PPP1R13B: variants seen among roughly 807,000 people sequenced by gnomAD.
PPP1R13B encodes the protein protein phosphatase 1 regulatory subunit 13B.
PPP1R13B carries 44 observed loss-of-function variants against 119.8 expected under a neutral mutation model. The ratio of observed to expected loss-of-function variants is 0.37; its 90% CI spans 0.29 to 0.47. The LOEUF is 0.47. PPP1R13B is among the 20% of genes least tolerant of loss of function. PPP1R13B has a pLI of 0.99. For synonymous variants in PPP1R13B, 542 were observed against 561.5 expected (o/e 0.97, Z 0.49); for missense variants, 1,227 against 1,413.5 (o/e 0.87, Z 2.12).
intron 2 of PPP1R13B, among the ~76,000 whole-genome samples, chr14:103,785,590 C>T (rs1292521857): frequency 6.8e-6 from 1 of 147,178 alleles, no homozygotes; most frequent in African/African-American, 2.5e-5. Context: ...CGGCTCACTA[C>T]AACCTCTGCC....
Position 103,738,507 on chromosome 14 carries a change from T to TG in PPP1R13B, c.2864+171dup, listed in dbSNP as rs1392941436. ...TAACAAAATCATCAAGAGAAAAGGC[T>TG]GGAAAAAAAGGCAAGGAAACCCTGG... On this transcript the variant is annotated intron_variant, in intron 14 of 16. Coordinates refer to ENST00000202556, the MANE Select transcript of PPP1R13B (RefSeq NM_015316.3). This position sits in a 1 kb window ranked among gnomAD's most constrained non-coding sequence, Gnocchi z 5.6. The TG allele has an allele frequency of 1.3e-5, 13 of 1,023,646 alleles. No individual in the cohort carries two copies. The African/African-American group carries it at 1.5e-4, about 11-fold the overall frequency. 63.4% of individuals were successfully genotyped at this position (1,023,646 alleles called of 1,614,324 possible). A position where few individuals can be genotyped will look rare whatever the true frequency, so the allele number is the denominator to read the frequency against.
In PPP1R13B at chr14:103,739,810, G is replaced by A. The variant is rs371347617; in HGVS notation, c.2592+14C>T. 1.3e-4 allele frequency: 201 copies of A among 1,590,646 alleles called. No homozygotes were observed. The highest frequency in any genetic ancestry group is 1.6e-4 in the Non-Finnish European group (183 of 1,167,418). Reference sequence around the variant, plus strand: ...ACCAGGAAGGCCAGGCTTTGGTCTAGCAATGACACCCACCGTGGAGGTGGC... The same window carrying A: ...ACCAGGAAGGCCAGGCTTTGGTCTAACAATGACACCCACCGTGGAGGTGGC... On this transcript the variant is annotated intron_variant, in intron 12 of 16. Coordinates refer to ENST00000202556, the MANE Select transcript of PPP1R13B (RefSeq NM_015316.3).
At chr14:103,785,529 T>TTC (rs1446802041) in intron 2 of PPP1R13B, among the ~76,000 whole-genome samples, 1 of 148,334 alleles carries the variant, frequency 6.7e-6, no homozygotes, top group African/African-American at 2.5e-5. Context: ...TTTTTTTTTT[T>TTC]TTTTTTTGAG....
At chr14:103,761,762 C>CAA (rs1215810979) in intron 4 of PPP1R13B, among the ~76,000 whole-genome samples, 12 of 104,918 alleles carry the variant, frequency 1.1e-4, no homozygotes, top group African/African-American at 1.8e-4. Flanking sequence ...GACTCCATCT[C>CAA]AAAAAAAAAA....
chr14:103,824,747 A>G (rs903843360), intron 1 of PPP1R13B, among the ~76,000 whole-genome samples: 3 of 151,628 alleles, frequency 2.0e-5, no homozygotes, highest in African/African-American at 7.3e-5. Flanking sequence ...CACAGTGCCT[A>G]TGATCATGTG....
At chr14:103,806,107 T>C (rs759430443) in intron 1 of PPP1R13B, among the ~76,000 whole-genome samples, 27 of 152,306 alleles carry the variant, frequency 1.8e-4, no homozygotes, top group African/African-American at 6.5e-4. Flanking sequence ...ACTTACATGG[T>C]ACAAAGAACC....
chr14:103,779,974 C>T (rs1217739437), intron 3 of PPP1R13B, among the ~76,000 whole-genome samples: 1 of 151,194 alleles, frequency 6.6e-6, no homozygotes, highest in African/African-American at 2.4e-5. Flanking sequence ...AATGGCAAAA[C>T]CCTGTCTCTA....
intron 4 of PPP1R13B, among the ~76,000 whole-genome samples, chr14:103,771,760 T>C (rs1262762877): frequency 6.6e-6 from 1 of 152,134 alleles, no homozygotes; most frequent in Non-Finnish European, 1.5e-5. Flanking sequence ...GGATTACAGG[T>C]GTGAGCCACT....
intron 4 of PPP1R13B, among the ~76,000 whole-genome samples, chr14:103,770,384 G>A (rs543975423): frequency 2.0e-5 from 3 of 152,092 alleles, no homozygotes; most frequent in Non-Finnish European, 4.4e-5. Flanking sequence ...GCGTGGTGGC[G>A]CATGCCTGTA....
chr14:103,846,141 C>A (rs1010096908), intron 1 of PPP1R13B, among the ~76,000 whole-genome samples: 1 of 152,068 alleles, frequency 6.6e-6, no homozygotes, highest in African/African-American at 2.4e-5. Context: ...CATTTAAAAC[C>A]AAATGTTTAG....
At chr14:103,746,869 G>A (rs1336800755) in intron 8 of PPP1R13B, 2 of 193,676 alleles carry the variant, frequency 1.0e-5, no homozygotes, top group Non-Finnish European at 2.1e-5. Context: ...CCCTTGAGTG[G>A]GCACAGAGAC....
At chr14:103,793,673 A>G (rs184211538) in intron 2 of PPP1R13B, among the ~76,000 whole-genome samples, 2 of 152,048 alleles carry the variant, frequency 1.3e-5, no homozygotes, top group African/African-American at 4.8e-5. Context: ...CTATTATAAG[A>G]CTTTTAGGAA....
intron 1 of PPP1R13B, among the ~76,000 whole-genome samples, chr14:103,845,940 T>A (rs2087020134): frequency 6.6e-6 from 1 of 152,228 alleles, no homozygotes; most frequent in Non-Finnish European, 1.5e-5. Flanking sequence ...CACTTTTGGA[T>A]ACATCATCCT....
intron 1 of PPP1R13B, among the ~76,000 whole-genome samples, chr14:103,844,682 T>C (rs901822437): frequency 6.6e-6 from 1 of 151,762 alleles, no homozygotes; most frequent in Admixed American, 6.6e-5. Flanking sequence ...TGAGTCAAGA[T>C]CATGTTGCAC....
In PPP1R13B at chr14:103,737,775, T is replaced by C. The variant is rs1248295282; in HGVS notation, c.2950A>G (p.Thr984Ala). ...GCAGCAGTTTCAATGTCGCTTATGG[T>C]TGAGGCAAAAATGGCGGCACCACTC... Reference protein sequence around the residue: ...VESGAAIFASTISDIETAADK... With the variant: ...VESGAAIFASAISDIETAADK... The change falls in exon 15 of 17, where the codon ACC (threonine) becomes GCC (alanine). Residue 984 changes from threonine (T) to alanine (A), a missense_variant. By Grantham distance (58) the Thr-to-Ala change is moderately conservative (BLOSUM62 0). Coordinates refer to ENST00000202556, the MANE Select transcript of PPP1R13B (RefSeq NM_015316.3). 1 of 1,614,216 alleles carries C rather than the reference T, an allele frequency of 6.2e-7. No homozygotes were observed. The highest frequency in any genetic ancestry group is 8.5e-7 in the Non-Finnish European group (1 of 1,180,028).
intron 4 of PPP1R13B, among the ~76,000 whole-genome samples, chr14:103,778,004 T>C (rs1595758858): frequency 1.3e-5 from 2 of 150,978 alleles, no homozygotes; most frequent in South Asian, 4.2e-4. Flanking sequence ...CAGGCTGGAG[T>C]GCAATGGTGC....
At chr14:103,812,776 C>A (rs895632287) in intron 1 of PPP1R13B, among the ~76,000 whole-genome samples, 1 of 152,152 alleles carries the variant, frequency 6.6e-6, no homozygotes. Context: ...AGATGACATA[C>A]AAATGGAAAA....
chr14:103,749,705 T>G, intron 8 of PPP1R13B, 89 bp downstream of exon 8: 1 of 1,300,464 alleles, frequency 7.7e-7, no homozygotes, highest in Non-Finnish European at 1.1e-6. Context: ...TTATGGTGGA[T>G]GGGGGAGCAT....
intron 1 of PPP1R13B, among the ~76,000 whole-genome samples, chr14:103,833,632 G>C (rs1230241097): frequency 6.6e-6 from 1 of 151,980 alleles, no homozygotes; most frequent in Non-Finnish European, 1.5e-5. Context: ...GACAGAGCGA[G>C]ACTCCATCTC....
Sources: allele counts gnomAD v4.1 joint callset (sites outside exome capture counted in the v4.1 genomes callset), GRCh38; gene constraint gnomAD v4.1.1; non-coding constraint Gnocchi (gnomAD v3.1); transcripts MANE v1.5; gene names NCBI Gene and HGNC (gene_info 2026-07-23, HGNC 2026-07-21).